MBD5: variants seen among roughly 807,000 people sequenced by gnomAD.
The protein encoded by MBD5 is methyl-CpG binding domain protein 5.
A neutral mutation model predicts 117.3 loss-of-function variants in MBD5; 13 were observed. That is an observed-to-expected ratio of 0.11 (90% CI 0.07 to 0.18). The LOEUF (loss-of-function observed/expected upper bound fraction) is 0.18. Ranked by LOEUF, MBD5 falls within the 10% of genes least tolerant of loss-of-function variation. MBD5 has a pLI of 1.00. For missense variants in MBD5, 1,879 were observed against 2,093.8 expected, an observed-to-expected ratio of 0.90 and a Z score of 2.00; for synonymous variants, 727 against 766.4, an observed-to-expected ratio of 0.95 and a Z score of 0.85.
intron 3 of MBD5, among the ~76,000 whole-genome samples, chr2:148,306,606 T>C (rs1372973593): frequency 6.6e-6 from 1 of 152,176 alleles, no homozygotes; most frequent in African/African-American, 2.4e-5. Flanking sequence ...AAGTTATAGA[T>C]AGTTTAAGAG....
intron 1 of MBD5, among the ~76,000 whole-genome samples, chr2:148,111,055 T>G (rs1696493716): frequency 6.6e-6 from 1 of 152,154 alleles, no homozygotes; most frequent in African/African-American, 2.4e-5. Flanking sequence ...TTTCAATTAG[T>G]TCATTATTTT....
chr2:148,248,373 A>G (rs537424892), intron 3 of MBD5, among the ~76,000 whole-genome samples: 3 of 152,266 alleles, frequency 2.0e-5, no homozygotes, highest in African/African-American at 7.2e-5. Context: ...AGTGATACCA[A>G]AAAACAAAAC....
chr2:148,089,251 T>C (rs1439239899), intron 1 of MBD5, among the ~76,000 whole-genome samples: 1 of 151,964 alleles, frequency 6.6e-6, no homozygotes, highest in Non-Finnish European at 1.5e-5. Context: ...AACACAATAA[T>C]AGTGGGGGGA....
At position 148,046,272 on chromosome 2, in the gene MBD5, G is replaced by A. The variant is rs934534902; in HGVS notation, c.-925+24588G>A. ...GCTGGGATTACAGGCATGAGCCACT[G>A]CACCCAACCTTAATGAAGGCTTTTT... On this transcript the variant is annotated intron_variant, in intron 1 of 13. Coordinates refer to ENST00000642680, the MANE Select transcript of MBD5 (RefSeq NM_001378120.1). Among the ~76,000 whole-genome samples, 13 of 152,190 alleles carry A rather than the reference G, an allele frequency of 8.5e-5. No homozygotes were observed. In the East Asian group the frequency reaches 1.4e-3, roughly 16 times the overall value.
chr2:148,398,039 A>C (rs1213631574), intron 4 of MBD5, among the ~76,000 whole-genome samples: 1 of 152,166 alleles, frequency 6.6e-6, no homozygotes, highest in East Asian at 1.9e-4. Context: ...ACATTTTCTT[A>C]ATCCAGTCTA....
At chr2:148,338,546 C>G (rs1189680728) in intron 3 of MBD5, among the ~76,000 whole-genome samples, 1 of 152,160 alleles carries the variant, frequency 6.6e-6, no homozygotes, top group African/African-American at 2.4e-5. Context: ...AGGAAGATAC[C>G]TGTCCTCTCT....
intron 1 of MBD5, among the ~76,000 whole-genome samples, chr2:148,157,015 G>A (rs961434600): frequency 6.6e-6 from 1 of 152,040 alleles, no homozygotes; most frequent in Non-Finnish European, 1.5e-5. Context: ...TAGTTTATAC[G>A]ATTTTTAAAA....
intron 4 of MBD5, among the ~76,000 whole-genome samples, chr2:148,366,314 A>T (rs915494674): frequency 5.5e-5 from 3 of 54,336 alleles, no homozygotes; most frequent in Non-Finnish European, 8.0e-5. Context: ...CTAGGTATTG[A>T]TGGAACGTAT....
At chr2:148,374,996 G>C (rs774699196) in intron 4 of MBD5, among the ~76,000 whole-genome samples, 4 of 152,064 alleles carry the variant, frequency 2.6e-5, no homozygotes, top group Non-Finnish European at 5.9e-5. Context: ...AGCTAGCATT[G>C]CTTAATACCT....
intron 12 of MBD5, among the ~76,000 whole-genome samples, chr2:148,509,673 A>C (rs1682156042): frequency 6.6e-6 from 1 of 152,144 alleles, no homozygotes; most frequent in African/African-American, 2.4e-5. Flanking sequence ...TCCTCTGATC[A>C]CACAGTCAGG....
intron 3 of MBD5, among the ~76,000 whole-genome samples, chr2:148,249,585 A>G (rs559225934): frequency 4.5e-4 from 69 of 152,266 alleles, no homozygotes; most frequent in African/African-American, 1.6e-3. Context: ...CTTCTTGTAT[A>G]GTATCATGTA....
At chr2:148,226,165 A>G (rs1699812924) in intron 2 of MBD5, among the ~76,000 whole-genome samples, 1 of 151,362 alleles carries the variant, frequency 6.6e-6, no homozygotes, top group South Asian at 2.1e-4. Context: ...CACAATGTGC[A>G]GGTTTGTTAT....
chr2:148,318,536 G>C (rs1702209168), intron 3 of MBD5, among the ~76,000 whole-genome samples: 1 of 151,834 alleles, frequency 6.6e-6, no homozygotes, highest in African/African-American at 2.4e-5. Flanking sequence ...TCTTTGTCTA[G>C]GTCAATGTTC....
chr2:148,207,355 G>A (rs1401769516), intron 2 of MBD5, among the ~76,000 whole-genome samples: 1 of 151,706 alleles, frequency 6.6e-6, no homozygotes, highest in African/African-American at 2.4e-5. Context: ...CAGTGCAAGG[G>A]AGTGCCTGGG....
At chr2:148,459,065 T>C (rs1225370273) in intron 5 of MBD5, among the ~76,000 whole-genome samples, 194 bp downstream of exon 5, 1 of 152,170 alleles carries the variant, frequency 6.6e-6, no homozygotes, top group Non-Finnish European at 1.5e-5. Context: ...TAAGGTGTCA[T>C]TCTGCTTATC....
chr2:148,255,354 T>C (rs572631387), intron 3 of MBD5, among the ~76,000 whole-genome samples: 1 of 152,286 alleles, frequency 6.6e-6, no homozygotes, highest in East Asian at 1.9e-4. Context: ...ACAGTACATG[T>C]GTCCCCCAGA....
chr2:148,323,602 G>A (rs370287094), intron 3 of MBD5, among the ~76,000 whole-genome samples: 112 of 151,916 alleles, frequency 7.4e-4, no homozygotes, highest in Non-Finnish European at 1.3e-3. Flanking sequence ...GCCAGTGATG[G>A]TGAGCATTTT....
At chr2:148,086,705 C>A (rs567938336) in intron 1 of MBD5, among the ~76,000 whole-genome samples, 1 of 152,234 alleles carries the variant, frequency 6.6e-6, no homozygotes, top group South Asian at 2.1e-4. Context: ...GGGTGGGATT[C>A]TTTTTGTATT....
chr2:148,302,170 A>G (rs1701788924), intron 3 of MBD5, among the ~76,000 whole-genome samples: 1 of 152,252 alleles, frequency 6.6e-6, no homozygotes, highest in East Asian at 1.9e-4. Flanking sequence ...TATTATGCTC[A>G]GATTAATATT....
Sources: allele counts gnomAD v4.1 joint callset (sites outside exome capture counted in the v4.1 genomes callset), GRCh38; gene constraint gnomAD v4.1.1; transcripts MANE v1.5; gene names NCBI Gene and HGNC (gene_info 2026-07-23, HGNC 2026-07-21).